The following RPSA2 variants were observed in gnomAD, a reference collection of about 807,000 sequenced individuals.
RPSA2 encodes the protein ribosomal protein SA 2.
At chr19:23,850,517 T>A in the RPSA2 span, among the ~76,000 whole-genome samples, 1 of 148,940 alleles carries the variant, frequency 6.7e-6, no homozygotes, top group Non-Finnish European at 1.5e-5. Context: ...GTGGCACAGA[T>A]CTCACCAGGT....
At chr19:23,781,137 G>A in the RPSA2 span, among the ~76,000 whole-genome samples, 2 of 152,042 alleles carry the variant, frequency 1.3e-5, no homozygotes, top group Non-Finnish European at 2.9e-5. Flanking sequence ...ACAATGCCTG[G>A]CTAATTTTTG....
the RPSA2 span, among the ~76,000 whole-genome samples, chr19:23,862,257 T>C: frequency 2.6e-5 from 4 of 152,066 alleles, no homozygotes; most frequent in Admixed American, 6.6e-5. Context: ...AAGTTGCTTA[T>C]CAGCTTAAGG....
chr19:23,817,857 G>C, the RPSA2 span: 2 of 152,150 alleles, frequency 1.3e-5, no homozygotes, highest in Non-Finnish European at 2.9e-5. Context: ...CCTTGCAGCT[G>C]GTACATGTCT....
chr19:23,788,246 A>G, the RPSA2 span, among the ~76,000 whole-genome samples: 4 of 6,398 alleles, frequency 6.3e-4, no homozygotes, highest in Non-Finnish European at 0.021. Flanking sequence ...CCCAGCTCCT[A>G]TGTATCTGAC....
the RPSA2 span, among the ~76,000 whole-genome samples, chr19:23,760,609 T>C: frequency 8.6e-5 from 13 of 151,280 alleles, no homozygotes; most frequent in African/African-American, 2.9e-4. Flanking sequence ...TTCCCCACCA[T>C]AGTCTTTCAC....
At chr19:23,857,071 G>A in the RPSA2 span, among the ~76,000 whole-genome samples, 4 of 152,088 alleles carry the variant, frequency 2.6e-5, no homozygotes, top group Admixed American at 2.0e-4. Flanking sequence ...CAATCGCATA[G>A]AACAGACATT....
chr19:23,852,648 C>A, the RPSA2 span, among the ~76,000 whole-genome samples: 4 of 152,096 alleles, frequency 2.6e-5, no homozygotes, highest in Non-Finnish European at 5.9e-5. Flanking sequence ...GTGTTCCTTG[C>A]CCTCATTCCC....
At chr19:23,832,274 A>G in the RPSA2 span, 2 of 451,636 alleles carry the variant, frequency 4.4e-6, no homozygotes, top group South Asian at 1.7e-5. Context: ...CTTACGAAAC[A>G]TAAGAGAATT....
At chr19:23,778,616 C>G in the RPSA2 span, among the ~76,000 whole-genome samples, 1 of 151,470 alleles carries the variant, frequency 6.6e-6, no homozygotes, top group East Asian at 2.0e-4. Flanking sequence ...TGGTCCATGC[C>G]CACAGAAAAG....
the RPSA2 span, chr19:23,823,897 G>T: frequency 6.6e-6 from 1 of 152,116 alleles, no homozygotes; most frequent in Non-Finnish European, 1.5e-5. Context: ...CCTGGCTTGG[G>T]GTCTCACACC....
the RPSA2 span, among the ~76,000 whole-genome samples, chr19:23,869,806 C>T: frequency 2.6e-5 from 4 of 152,282 alleles, no homozygotes; most frequent in Non-Finnish European, 2.9e-5. Context: ...GGTAGGAACA[C>T]TCTCTAATAC....
chr19:23,773,188 C>G, the RPSA2 span, among the ~76,000 whole-genome samples: 1 of 151,722 alleles, frequency 6.6e-6, no homozygotes, highest in East Asian at 1.9e-4. Context: ...GCTCCACCTC[C>G]CAGGTGCACG....
At chr19:23,835,216 T>TA in the RPSA2 span, among the ~76,000 whole-genome samples, 1 of 6,220 alleles carries the variant, frequency 1.6e-4, no homozygotes, top group Non-Finnish European at 7.1e-3. Context: ...AATTTTAATA[T>TA]ATTTTTCTTT....
At chr19:23,864,626 C>T in the RPSA2 span, among the ~76,000 whole-genome samples, 1 of 152,090 alleles carries the variant, frequency 6.6e-6, no homozygotes, top group Non-Finnish European at 1.5e-5. Flanking sequence ...TATATATATT[C>T]ATCACCACAA....
the RPSA2 span, among the ~76,000 whole-genome samples, chr19:23,863,666 T>C: frequency 2.4e-4 from 37 of 152,076 alleles, no homozygotes; most frequent in African/African-American, 8.2e-4. Flanking sequence ...TATTTAGTTT[T>C]CTGAAGAAAC....
At chr19:23,867,977 G>A in the RPSA2 span, among the ~76,000 whole-genome samples, 5 of 152,144 alleles carry the variant, frequency 3.3e-5, no homozygotes, top group Non-Finnish European at 5.9e-5. Context: ...GGAGAAGCTA[G>A]CTCAACTTCA....
chr19:23,834,757 C>G, the RPSA2 span, among the ~76,000 whole-genome samples: 1 of 151,962 alleles, frequency 6.6e-6, no homozygotes, highest in Non-Finnish European at 1.5e-5. Flanking sequence ...TAACTTTAAC[C>G]TATTCCATCT....
At chr19:23,781,726 A>G in the RPSA2 span, among the ~76,000 whole-genome samples, 1 of 152,194 alleles carries the variant, frequency 6.6e-6, no homozygotes, top group African/African-American at 2.4e-5. Flanking sequence ...CTTAGACCCA[A>G]CATACAGGAG....
At chr19:23,832,967 C>T in the RPSA2 span, 2 of 1,476,304 alleles carry the variant, frequency 1.4e-6, no homozygotes, top group Admixed American at 1.9e-5. Flanking sequence ...GGAGTAAAAC[C>T]CTACAAGTGT....
Sources: gnomAD v4.1 joint callset for allele counts (sites outside exome capture counted in the v4.1 genomes callset) on GRCh38, gnomAD v4.1.1 for gene constraint, MANE v1.5 for transcripts, NCBI Gene and HGNC (gene_info 2026-07-23, HGNC 2026-07-21) for gene names.